The following ERC2 variants were observed in gnomAD, a reference collection of about 807,000 sequenced individuals.
The protein encoded by ERC2 is ELKS/RAB6-interacting/CAST family member 2.
Under a neutral mutation model 114.8 loss-of-function variants are expected in ERC2, and 42 were observed. The ratio of observed to expected loss-of-function variants is 0.37; its 90% CI spans 0.29 to 0.47. The LOEUF is 0.47. ERC2 is among the 20% of genes least tolerant of loss of function. The probability of loss-of-function intolerance (pLI) is 0.99; values close to 1 mark genes in which losing one functional copy is unlikely to be tolerated. For synonymous variants in ERC2, 454 were observed against 425.5 expected, an observed-to-expected ratio of 1.07 and a Z score of -0.82; for missense variants, 939 against 1,150.7, an observed-to-expected ratio of 0.82 and a Z score of 2.66.
chr3:55,515,312 TTATTAA>T (rs148469661), intron 17 of ERC2, among the ~76,000 whole-genome samples: 23,271 of 152,066 alleles, frequency 0.15, 2,027 homozygotes, highest in Non-Finnish European at 0.19. Context: ...CATTAGAATA[TTATTAA>T]TATTTATCTC....
At chr3:56,407,443 A>G (rs1018994076) in intron 2 of ERC2, among the ~76,000 whole-genome samples, 1 of 152,172 alleles carries the variant, frequency 6.6e-6, no homozygotes, top group African/African-American at 2.4e-5. Context: ...GGTATTTCTT[A>G]TGAATGCTGA....
At chr3:55,758,023 A>G (rs777261211) in intron 14 of ERC2, among the ~76,000 whole-genome samples, 7 of 152,118 alleles carry the variant, frequency 4.6e-5, no homozygotes, top group Non-Finnish European at 7.4e-5. Flanking sequence ...AGAGAATTAC[A>G]TCTGATGACT....
chr3:55,986,983 G>A (rs1203748061), intron 11 of ERC2, among the ~76,000 whole-genome samples: 1 of 151,960 alleles, frequency 6.6e-6, no homozygotes, highest in Non-Finnish European at 1.5e-5. Context: ...TAAAAAAGTA[G>A]TTTTAGGTAT....
chr3:56,410,292 C>T (rs2060891455), intron 2 of ERC2, among the ~76,000 whole-genome samples: 1 of 152,130 alleles, frequency 6.6e-6, no homozygotes, highest in Non-Finnish European at 1.5e-5. Context: ...AAGATTTAAA[C>T]ACAAGCAATA....
intron 15 of ERC2, among the ~76,000 whole-genome samples, chr3:55,721,095 A>G (rs953422690): frequency 1.3e-5 from 2 of 152,178 alleles, no homozygotes; most frequent in African/African-American, 4.8e-5. Flanking sequence ...GAATCCCCCA[A>G]TATTTCCTGA....
intron 14 of ERC2, among the ~76,000 whole-genome samples, chr3:55,883,477 T>A (rs942150445): frequency 1.3e-5 from 2 of 152,072 alleles, no homozygotes; most frequent in Non-Finnish European, 2.9e-5. Flanking sequence ...CAGTTCTGCA[T>A]CTTGACTGTG....
At chr3:55,964,148 T>G (rs1370548491) in intron 12 of ERC2, among the ~76,000 whole-genome samples, 1 of 152,272 alleles carries the variant, frequency 6.6e-6, no homozygotes. Flanking sequence ...CATCAGATGC[T>G]GTGCTAAACA....
At chr3:56,077,665 G>A (rs528922851) in intron 7 of ERC2, among the ~76,000 whole-genome samples, 66 of 152,276 alleles carry the variant, frequency 4.3e-4, no homozygotes, top group Middle Eastern at 3.4e-3. Flanking sequence ...AAATGAACAA[G>A]TGTGATATTT....
intron 2 of ERC2, among the ~76,000 whole-genome samples, chr3:56,334,241 G>A (rs2057755651): frequency 6.6e-6 from 1 of 152,248 alleles, no homozygotes; most frequent in Admixed American, 6.5e-5. Flanking sequence ...CAAATCTGCA[G>A]TAGGACTAAA....
chr3:55,848,599 T>C (rs2061456748), intron 14 of ERC2, among the ~76,000 whole-genome samples: 1 of 152,176 alleles, frequency 6.6e-6, no homozygotes, highest in Admixed American at 6.5e-5. Flanking sequence ...CTCCCAATAA[T>C]TGCTTGCTCC....
chr3:56,154,840 G>A (rs928487654), intron 4 of ERC2, among the ~76,000 whole-genome samples: 1 of 152,140 alleles, frequency 6.6e-6, no homozygotes, highest in African/African-American at 2.4e-5. Context: ...CCCTAAGAGA[G>A]TGAAAAGTTG....
chr3:55,919,514 AC>A (rs1420219419), intron 13 of ERC2, among the ~76,000 whole-genome samples: 1 of 152,218 alleles, frequency 6.6e-6, no homozygotes, highest in Non-Finnish European at 1.5e-5. Flanking sequence ...CCAGTGATAC[AC>A]ATTTATTCAA....
chr3:55,593,990 C>T (rs904834410), intron 17 of ERC2, among the ~76,000 whole-genome samples: 2 of 152,148 alleles, frequency 1.3e-5, no homozygotes, highest in Admixed American at 1.3e-4. Flanking sequence ...ACGGTCCTGC[C>T]CAGCCTTCTT....
intron 2 of ERC2, among the ~76,000 whole-genome samples, chr3:56,312,619 T>C (rs1185766879): frequency 3.9e-5 from 6 of 151,934 alleles, no homozygotes; most frequent in Non-Finnish European, 5.9e-5. Flanking sequence ...AATTTAAAAA[T>C]AATAAAACAA....
chr3:56,378,681 A>G (rs1191941589), intron 2 of ERC2, among the ~76,000 whole-genome samples: 2 of 152,214 alleles, frequency 1.3e-5, no homozygotes, highest in Non-Finnish European at 2.9e-5. Flanking sequence ...TTCCCAAAAG[A>G]GCCCAAAATC....
chr3:56,451,158 A>T (rs1262987443), intron 1 of ERC2, among the ~76,000 whole-genome samples: 1 of 152,238 alleles, frequency 6.6e-6, no homozygotes, highest in Non-Finnish European at 1.5e-5. Context: ...CTTACACTAA[A>T]AAATCTTCTA....
At chr3:55,895,181 G>T (rs2063785803) in intron 13 of ERC2, among the ~76,000 whole-genome samples, 1 of 152,178 alleles carries the variant, frequency 6.6e-6, no homozygotes, top group Non-Finnish European at 1.5e-5. Flanking sequence ...TCCCAAACTT[G>T]GTTTAAGATT....
chr3:55,903,632 T>A (rs2064264343), intron 13 of ERC2, among the ~76,000 whole-genome samples: 1 of 152,234 alleles, frequency 6.6e-6, no homozygotes. Context: ...TATATCGAAA[T>A]GAATACCCCA....
chr3:55,544,085 C>A (rs932113234), intron 17 of ERC2, among the ~76,000 whole-genome samples: 1 of 152,204 alleles, frequency 6.6e-6, no homozygotes, highest in African/African-American at 2.4e-5. Flanking sequence ...GCTGCCCAGG[C>A]AGGAGAGGCT....
Sources: gnomAD v4.1 joint callset for allele counts (sites outside exome capture counted in the v4.1 genomes callset) on GRCh38, gnomAD v4.1.1 for gene constraint, MANE v1.5 for transcripts, NCBI Gene and HGNC (gene_info 2026-07-23, HGNC 2026-07-21) for gene names.